MGAT4C: variants seen among roughly 807,000 people sequenced by gnomAD.
The protein encoded by MGAT4C is MGAT4 family member C.
MGAT4C carries 19 observed loss-of-function variants against 40.1 expected under a neutral mutation model. The observed-to-expected ratio is 0.47, with a 90% CI of 0.33 to 0.70. The LOEUF (loss-of-function observed/expected upper bound fraction) is 0.70, where lower values mean the gene tolerates loss of function less well. Ranked by LOEUF, MGAT4C falls within the 30% of genes least tolerant of loss-of-function variation. The pLI is 0.02. For missense variants in MGAT4C, 491 were observed against 563.2 expected (o/e 0.87, Z 1.30); for synonymous variants, 181 against 187.1 (o/e 0.97, Z 0.27).
chr12:86,045,919 G>C (rs559890522), intron 2 of MGAT4C, among the ~76,000 whole-genome samples: 1 of 152,054 alleles, frequency 6.6e-6, no homozygotes, highest in Non-Finnish European at 1.5e-5. Flanking sequence ...TCAATTTATC[G>C]TGTATTTTAT....
At chr12:86,319,777 G>T (rs1365959625) in intron 4 of MGAT4C, among the ~76,000 whole-genome samples, 2 of 152,082 alleles carry the variant, frequency 1.3e-5, no homozygotes, top group East Asian at 1.9e-4. Context: ...TTAGCATCTT[G>T]CATTTCCCCC....
chr12:86,442,955 C>A (rs1435736802), intron 2 of MGAT4C, among the ~76,000 whole-genome samples: 2 of 152,040 alleles, frequency 1.3e-5, no homozygotes, highest in East Asian at 1.9e-4. Flanking sequence ...AGATAATACT[C>A]AAGTTTTTAG....
intron 1 of MGAT4C, among the ~76,000 whole-genome samples, chr12:86,124,975 G>A (rs545756206): frequency 6.6e-6 from 1 of 152,080 alleles, no homozygotes; most frequent in African/African-American, 2.4e-5. Context: ...AATATAGGAC[G>A]CTACAAAAGT....
intron 4 of MGAT4C, among the ~76,000 whole-genome samples, chr12:86,315,363 T>G (rs573428968): frequency 3.9e-5 from 6 of 152,070 alleles, no homozygotes; most frequent in Non-Finnish European, 7.4e-5. Flanking sequence ...AAAAAATAAC[T>G]CAAGATGGAA....
At chr12:86,265,925 A>G (rs1464654810) in intron 4 of MGAT4C, among the ~76,000 whole-genome samples, 1 of 152,078 alleles carries the variant, frequency 6.6e-6, no homozygotes, top group Non-Finnish European at 1.5e-5. Flanking sequence ...TACCTTCTTG[A>G]TTTGGTTCTC....
intron 4 of MGAT4C, among the ~76,000 whole-genome samples, chr12:86,310,098 G>C (rs542744934): frequency 6.6e-6 from 1 of 150,550 alleles, no homozygotes; most frequent in South Asian, 2.1e-4. Context: ...AGAAACCAGT[G>C]AGCTAAGGGC....
chr12:86,730,096 C>T (rs954486013), intron 1 of MGAT4C, among the ~76,000 whole-genome samples: 2 of 151,842 alleles, frequency 1.3e-5, no homozygotes, highest in Admixed American at 6.6e-5. Context: ...GACAGCTTAT[C>T]GTAGGAGCCA....
chr12:86,135,517 G>A (rs1300658859), intron 1 of MGAT4C, among the ~76,000 whole-genome samples: 1 of 152,058 alleles, frequency 6.6e-6, no homozygotes, highest in African/African-American at 2.4e-5. Flanking sequence ...CAAATATTGA[G>A]GTTGTATTAC....
chr12:86,401,960 A>T (rs1956372346), intron 3 of MGAT4C, among the ~76,000 whole-genome samples: 1 of 152,102 alleles, frequency 6.6e-6, no homozygotes, highest in South Asian at 2.1e-4. Context: ...CATGTTTATG[A>T]TTGCTGACTT....
At chr12:86,354,998 G>A (rs1044249297) in intron 3 of MGAT4C, among the ~76,000 whole-genome samples, 3 of 152,186 alleles carry the variant, frequency 2.0e-5, no homozygotes, top group African/African-American at 7.2e-5. Context: ...TCCCTTATTT[G>A]TTCTCGCCCT....
chr12:86,031,080 T>G (rs1437347555), intron 2 of MGAT4C, among the ~76,000 whole-genome samples: 1 of 151,824 alleles, frequency 6.6e-6, no homozygotes, highest in African/African-American at 2.4e-5. Flanking sequence ...GAATCTATCA[T>G]AGTCAGTGGT....
chr12:86,005,153 T>C (rs1887747315), intron 2 of MGAT4C, among the ~76,000 whole-genome samples: 1 of 152,146 alleles, frequency 6.6e-6, no homozygotes. Flanking sequence ...GCCAATAAAC[T>C]CATGATAAAA....
chr12:86,106,467 A>AT (rs1012917698), intron 1 of MGAT4C, among the ~76,000 whole-genome samples: 2 of 151,914 alleles, frequency 1.3e-5, no homozygotes, highest in African/African-American at 2.4e-5. Context: ...TGCCTGGCTA[A>AT]TTTTTTTACA....
intron 1 of MGAT4C, among the ~76,000 whole-genome samples, chr12:86,833,724 C>T (rs555309938): frequency 3.3e-4 from 50 of 151,894 alleles, no homozygotes; most frequent in African/African-American, 9.9e-4. Flanking sequence ...TTTAGGGAGA[C>T]GCAATTCAAA....
intron 3 of MGAT4C, among the ~76,000 whole-genome samples, chr12:86,371,884 A>C (rs1481655038): frequency 6.6e-6 from 1 of 151,996 alleles, no homozygotes; most frequent in African/African-American, 2.4e-5. Context: ...TAGGTAATAT[A>C]ATAAGTCATG....
chr12:86,315,441 G>A (rs1263332211), intron 4 of MGAT4C, among the ~76,000 whole-genome samples: 1 of 152,088 alleles, frequency 6.6e-6, no homozygotes, highest in Non-Finnish European at 1.5e-5. Flanking sequence ...GGTGGCTCAC[G>A]CCTGTAATGC....
chr12:86,025,296 C>T (rs1448138149), intron 2 of MGAT4C, among the ~76,000 whole-genome samples: 1 of 151,618 alleles, frequency 6.6e-6, no homozygotes, highest in East Asian at 1.9e-4. Flanking sequence ...CAGTGAAAAT[C>T]AATTTTCCTA....
chr12:86,122,841 T>C (rs1879615015), intron 1 of MGAT4C, among the ~76,000 whole-genome samples: 1 of 152,176 alleles, frequency 6.6e-6, no homozygotes, highest in East Asian at 1.9e-4. Flanking sequence ...TCTTAATACA[T>C]CATCAAAGGT....
chr12:86,772,311 G>A lies in MGAT4C; in HGVS notation c.-261-45070C>T, dbSNP rs77276211. Among the ~76,000 whole-genome samples the A allele has an allele frequency of 7.5e-3, 1,144 of 152,244 alleles. 17 individuals carry two copies. The highest frequency in any genetic ancestry group is 0.031 in the Middle Eastern group (9 of 294). ...AAAGTTTTTTGAGAATTCGATACAT[G>A]CTGAAACACACCCAGCTTGTACTGA... On this transcript the variant is annotated intron_variant, in intron 1 of 7. Transcript: ENST00000548651.
Sources: allele counts gnomAD v4.1 joint callset (sites outside exome capture counted in the v4.1 genomes callset), GRCh38; gene constraint gnomAD v4.1.1; transcripts MANE v1.5; gene names NCBI Gene and HGNC (gene_info 2026-07-23, HGNC 2026-07-21).